RPS6KA2: variants seen among roughly 807,000 people sequenced by gnomAD.
The protein encoded by RPS6KA2 is ribosomal protein S6 kinase A2.
Under a neutral mutation model 91.8 loss-of-function variants are expected in RPS6KA2, and 42 were observed. That is an observed-to-expected ratio of 0.46 (90% CI 0.36 to 0.59). The LOEUF (loss-of-function observed/expected upper bound fraction) is 0.59, where lower values mean the gene tolerates loss of function less well. RPS6KA2 is among the 20% of genes least tolerant of loss of function. The pLI is 0.00. For synonymous variants in RPS6KA2, 414 were observed against 393.6 expected, an observed-to-expected ratio of 1.05 and a Z score of -0.61; for missense variants, 798 against 978.5, an observed-to-expected ratio of 0.82 and a Z score of 2.46.
Position 166,849,697 on chromosome 6 carries a change from A to G in RPS6KA2, c.123+8503T>C, listed in dbSNP as rs1401274227. On this transcript the variant is annotated intron_variant, in intron 2 of 21. Coordinates refer to the RPS6KA2 transcript ENST00000503859. This position sits in a 1 kb window ranked among gnomAD's most constrained non-coding sequence, Gnocchi z 4.9. The stretch of plus-strand genomic sequence containing the variant: ...CACGTAGAATGAGCTTTCCCAACAC[A>G]GGAGCTGCGTCCTATGCATACTCAG... 6.6e-6 allele frequency among the ~76,000 whole-genome samples: 1 copy of G among 152,234 alleles called. No homozygotes were observed. Among genetic ancestry groups the G allele is most frequent in the African/African-American group, 2.4e-5 (1 of 41,452 alleles).
rs1158053787 is a variant in RPS6KA2, at chr6:166,488,850, T to C, written c.890A>G (p.Asn297Ser). 2.5e-6 allele frequency: 4 copies of C among 1,613,054 alleles called. No individual in the cohort carries two copies. The South Asian group carries it at 4.4e-5, about 18-fold the overall frequency. ...AATCTTACCCAGCCGGTTGCAGGGG[T>C]TCCGTTTGAAGAGAGCTCGCAGCAA... ...QSLLRALFKR[N>S]PCNRLGAGID... Residue 297 changes from asparagine to serine, a missense_variant, in exon 10 of 21, where the codon AAC (asparagine) becomes AGC (serine). Transcript: ENST00000265678.
At chr6:166,566,470 A>G (rs1395445812) in intron 1 of RPS6KA2, among the ~76,000 whole-genome samples, 1 of 152,236 alleles carries the variant, frequency 6.6e-6, no homozygotes, top group Non-Finnish European at 1.5e-5. Flanking sequence ...CATCCACCAC[A>G]TCACCAGAGG....
At chr6:166,558,573 C>T (rs541469772) in intron 1 of RPS6KA2, among the ~76,000 whole-genome samples, 21 of 152,304 alleles carry the variant, frequency 1.4e-4, no homozygotes, top group African/African-American at 5.1e-4. Context: ...CAAGGCTGGG[C>T]TGGGGCAGGG....
intron 2 of RPS6KA2, 70 bp downstream of exon 2, chr6:166,538,597 CA>C (rs1170520627): frequency 3.5e-6 from 3 of 857,710 alleles, no homozygotes; most frequent in African/African-American, 1.6e-5. Flanking sequence ...AATTTTCATC[CA>C]GGGGGGCTCT....
intron 2 of RPS6KA2, among the ~76,000 whole-genome samples, chr6:166,640,486 C>G (rs1443506045): frequency 6.6e-6 from 1 of 152,154 alleles, no homozygotes; most frequent in Non-Finnish European, 1.5e-5. Context: ...CTCCCCTCAT[C>G]AGGGGAGCTC....
chr6:166,565,077 G>C (rs1193375259), intron 1 of RPS6KA2, among the ~76,000 whole-genome samples: 1 of 152,194 alleles, frequency 6.6e-6, no homozygotes, highest in African/African-American at 2.4e-5. Context: ...AAGTGGAGAT[G>C]GCTGGGCTGA....
intron 2 of RPS6KA2, among the ~76,000 whole-genome samples, chr6:166,769,551 C>T (rs1778409935): frequency 1.3e-5 from 2 of 152,236 alleles, no homozygotes; most frequent in Admixed American, 6.5e-5. Context: ...TGTGCCCACC[C>T]CTCACCTTTG....
chr6:166,695,883 T>TAGGAGCACTAGATTCTCAC (rs1254262442), intron 2 of RPS6KA2, among the ~76,000 whole-genome samples: 6 of 151,362 alleles, frequency 4.0e-5, no homozygotes, highest in Admixed American at 6.6e-5. Context: ...TAAATTCTCA[T>TAGGAGCACTAGATTCTCAC]AGGAGCACTA....
At chr6:166,822,034 T>C (rs1779917415) in intron 2 of RPS6KA2, among the ~76,000 whole-genome samples, 1 of 152,114 alleles carries the variant, frequency 6.6e-6, no homozygotes, top group African/African-American at 2.4e-5. Flanking sequence ...TCCACCTCTG[T>C]CACCATGGAC....
At chr6:166,706,626 C>G (rs189393599) in intron 2 of RPS6KA2, among the ~76,000 whole-genome samples, 4 of 152,036 alleles carry the variant, frequency 2.6e-5, no homozygotes, top group Non-Finnish European at 5.9e-5. Flanking sequence ...GCCTGGAGAC[C>G]CCAGACCCCC....
chr6:166,800,593 G>A (rs559471350), intron 2 of RPS6KA2, among the ~76,000 whole-genome samples: 2 of 152,268 alleles, frequency 1.3e-5, no homozygotes, highest in African/African-American at 4.8e-5. Context: ...GTTCTGTCTT[G>A]GAAGCAGAAA....
At chr6:166,449,431 G>A (rs1362147171) in intron 13 of RPS6KA2, among the ~76,000 whole-genome samples, 3 of 152,116 alleles carry the variant, frequency 2.0e-5, no homozygotes, top group African/African-American at 4.8e-5. Context: ...CAACTTACCC[G>A]GATTTCATTC....
chr6:166,485,213 C>T (rs887021334), intron 10 of RPS6KA2, among the ~76,000 whole-genome samples: 12 of 152,128 alleles, frequency 7.9e-5, no homozygotes, highest in African/African-American at 9.7e-5. Flanking sequence ...CCTAGGGTCA[C>T]GGAAAAGAAC....
At position 166,412,813 on chromosome 6, in the gene RPS6KA2, G is replaced by A. The variant is rs1396954229; in HGVS notation, c.2151C>T (p.Ser717=). The A allele has an allele frequency of 6.3e-7, 1 of 1,592,118 alleles. No homozygotes were observed. Among genetic ancestry groups the A allele is most frequent in the Non-Finnish European group, 8.5e-7 (1 of 1,170,450 alleles). The change falls in exon 21 of 21, where the codon TCC becomes TCT. Residue 717 remains serine, a synonymous_variant. Coordinates refer to ENST00000265678, the MANE Select transcript of RPS6KA2 (RefSeq NM_021135.6). The surrounding 1 kb of genome is among the most constrained non-coding windows in gnomAD (Gnocchi z 4.3). Reference sequence around the variant, plus strand: ...TCATGCCTCTGCGCTGAGCCAGGTTGGATGACAGCACGGGCTCCAGCCGCG... The same window carrying A: ...TCATGCCTCTGCGCTGAGCCAGGTTAGATGACAGCACGGGCTCCAGCCGCG... The part of the protein sequence containing the change: ...QAPRLEPVLS[S]NLAQRRGMKR...
At chr6:166,475,433 TCTTC>T (rs1219523126) in intron 10 of RPS6KA2, among the ~76,000 whole-genome samples, 1 of 152,154 alleles carries the variant, frequency 6.6e-6, no homozygotes, top group Non-Finnish European at 1.5e-5. Flanking sequence ...GGTGTGCCAT[TCTTC>T]CTTCCTTCCT....
chr6:166,703,339 T>C (rs1789584374), intron 2 of RPS6KA2, among the ~76,000 whole-genome samples: 1 of 152,284 alleles, frequency 6.6e-6, no homozygotes, highest in Non-Finnish European at 1.5e-5. Flanking sequence ...TAGCAGTCAC[T>C]GCATGGGAGG....
chr6:166,473,873 A>G (rs1409925096), intron 10 of RPS6KA2, among the ~76,000 whole-genome samples: 2 of 151,864 alleles, frequency 1.3e-5, no homozygotes, highest in Non-Finnish European at 2.9e-5. Flanking sequence ...TCATTGACTT[A>G]AATACTAGGT....
Position 166,498,568 on chromosome 6 carries a change from C to T in RPS6KA2, c.687G>A (p.Glu229=). 6.2e-7 allele frequency: 1 copy of T among 1,613,880 alleles called. No homozygotes were observed. The highest frequency in any genetic ancestry group is 8.5e-7 in the Non-Finnish European group (1 of 1,179,998). ...GCGTGTGTCCTCGCCGGTTCACCACCTCGGGCGCCATGTACTCGATCGTCC... is the reference window on the plus strand; with the variant it reads ...GCGTGTGTCCTCGCCGGTTCACCACTTCGGGCGCCATGTACTCGATCGTCC... ...FCGTIEYMAP[E]VVNRRGHTQS... The change falls in exon 8 of 21, where the codon GAG becomes GAA. Residue 229 remains glutamate (E), a synonymous_variant. Coordinates refer to ENST00000265678, the MANE Select transcript of RPS6KA2 (RefSeq NM_021135.6).
chr6:166,448,987 C>A lies in RPS6KA2; in HGVS notation c.1207-138G>T, dbSNP rs1320597764. ...TGTGGAGGCCTGGGAGCTCATGGGT[C>A]CCCCTGCCCAAGGCTGCAGAGCTAC... On this transcript the variant is annotated intron_variant, in intron 13 of 20. Coordinates refer to ENST00000265678, the MANE Select transcript of RPS6KA2 (RefSeq NM_021135.6). This position sits in a 1 kb window ranked among gnomAD's most constrained non-coding sequence, Gnocchi z 4.7. The A allele has an allele frequency of 9.1e-6, 9 of 987,548 alleles. No individual in the cohort carries two copies. The highest frequency in any genetic ancestry group is 2.3e-5 in the Admixed American group (1 of 42,816). The allele number at this position is 987,548 out of a possible 1,614,324, so 61.2% of individuals were successfully genotyped here.
Sources: gnomAD v4.1 joint callset for allele counts (sites outside exome capture counted in the v4.1 genomes callset) on GRCh38, gnomAD v4.1.1 for gene constraint, Gnocchi (gnomAD v3.1) non-coding constraint, MANE v1.5 for transcripts, NCBI Gene and HGNC (gene_info 2026-07-23, HGNC 2026-07-21) for gene names.